CSMD1: variants seen among roughly 807,000 people sequenced by gnomAD.
CSMD1 encodes the protein CUB and sushi domain-containing protein 1.
A neutral mutation model predicts 417.5 loss-of-function variants in CSMD1; 213 were observed. The ratio of observed to expected loss-of-function variants is 0.51; its 90% confidence interval spans 0.46 to 0.57. CSMD1 has a LOEUF of 0.57. Among genes scored for constraint, CSMD1 ranks in the 20% least tolerant of loss-of-function variants. The pLI is 0.00. For missense variants in CSMD1, 6,923 were observed against 4,529.7 expected, an observed-to-expected ratio of 1.53 and a Z score of -15.17; for synonymous variants, 2,862 against 1,736.8, an observed-to-expected ratio of 1.65 and a Z score of -16.11.
At chr8:3,241,309 A>C (rs149571476) in intron 26 of CSMD1, among the ~76,000 whole-genome samples, 1 of 149,930 alleles carries the variant, frequency 6.7e-6, no homozygotes, top group Non-Finnish European at 1.5e-5. Context: ...AATACCCACA[A>C]CAGTTATGGA....
chr8:4,003,479 A>T (rs920612325), intron 4 of CSMD1, among the ~76,000 whole-genome samples: 1 of 152,164 alleles, frequency 6.6e-6, no homozygotes, highest in Non-Finnish European at 1.5e-5. Context: ...TACATGGGAA[A>T]AAAAGATTTT....
intron 1 of CSMD1, 80 bp from the exon 2 acceptor site, chr8:4,637,638 T>G (rs536950573): frequency 1.5e-4 from 81 of 553,534 alleles, no homozygotes; most frequent in African/African-American, 1.4e-3. Flanking sequence ...CTAAACACTT[T>G]AGCCAATTTT....
intron 5 of CSMD1, among the ~76,000 whole-genome samples, chr8:3,823,927 A>G (rs1801891364): frequency 6.6e-6 from 1 of 152,318 alleles, no homozygotes; most frequent in South Asian, 2.1e-4. Flanking sequence ...CTACCTTTAC[A>G]TCTCTGGTAA....
At chr8:3,920,002 A>G (rs952703338) in intron 5 of CSMD1, among the ~76,000 whole-genome samples, 1 of 150,478 alleles carries the variant, frequency 6.6e-6, no homozygotes, top group Non-Finnish European at 1.5e-5. Flanking sequence ...ATTTTTTTTT[A>G]CTTTAGGATT....
intron 5 of CSMD1, among the ~76,000 whole-genome samples, chr8:3,825,054 T>G (rs963671558): frequency 7.2e-5 from 11 of 152,216 alleles, no homozygotes; most frequent in Non-Finnish European, 1.6e-4. Context: ...GAGACTTCGC[T>G]GTGATGAGGG....
chr8:4,448,564 AT>A (rs1798950123), intron 2 of CSMD1, among the ~76,000 whole-genome samples: 2 of 152,274 alleles, frequency 1.3e-5, no homozygotes, highest in East Asian at 3.9e-4. Context: ...GAAATCTAAC[AT>A]TTTTCCTTCC....
intron 23 of CSMD1, among the ~76,000 whole-genome samples, chr8:3,316,121 G>A (rs981487155): frequency 1.3e-5 from 2 of 152,136 alleles, no homozygotes; most frequent in African/African-American, 4.8e-5. Context: ...CTACATGGAT[G>A]AACTGAAATA....
chr8:4,439,328 TATA>T (rs1322984399), intron 2 of CSMD1, among the ~76,000 whole-genome samples: 1 of 152,168 alleles, frequency 6.6e-6, no homozygotes, highest in Non-Finnish European at 1.5e-5. Context: ...ATACGTTAAA[TATA>T]ATTATTCAAA....
chr8:3,390,301 G>C (rs1393596018), intron 17 of CSMD1, among the ~76,000 whole-genome samples: 2 of 136,328 alleles, frequency 1.5e-5, no homozygotes, highest in Non-Finnish European at 3.1e-5. Context: ...GATGCAGTGA[G>C]CCAAGGTTGT....
At chr8:3,192,498 G>C (rs184560629) in intron 33 of CSMD1, among the ~76,000 whole-genome samples, 1 of 152,258 alleles carries the variant, frequency 6.6e-6, no homozygotes, top group East Asian at 1.9e-4. Context: ...CACAGTAATT[G>C]TCATGGTTTG....
At chr8:4,122,610 G>A (rs1166564516) in intron 3 of CSMD1, among the ~76,000 whole-genome samples, 1 of 152,168 alleles carries the variant, frequency 6.6e-6, no homozygotes, top group Non-Finnish European at 1.5e-5. Context: ...CTCTTCTGCA[G>A]AGATGGAGGT....
At chr8:3,920,547 T>C (rs574123674) in intron 5 of CSMD1, among the ~76,000 whole-genome samples, 6 of 152,272 alleles carry the variant, frequency 3.9e-5, no homozygotes, top group African/African-American at 1.2e-4. Flanking sequence ...AGGCAACTTG[T>C]CTTGTTCTTA....
At chr8:4,564,317 A>G (rs928431415) in intron 2 of CSMD1, among the ~76,000 whole-genome samples, 1 of 152,212 alleles carries the variant, frequency 6.6e-6, no homozygotes, top group Non-Finnish European at 1.5e-5. Context: ...ATAACATTTT[A>G]TATATTTTAT....
At chr8:3,883,648 C>G (rs1488627852) in intron 5 of CSMD1, among the ~76,000 whole-genome samples, 4 of 152,050 alleles carry the variant, frequency 2.6e-5, no homozygotes, top group African/African-American at 9.7e-5. Context: ...ATATCAATTA[C>G]TGATATTATT....
rs1816994234 is a variant in CSMD1 at position 3,118,477 on chromosome 8, T to G, written c.6352A>C (p.Ile2118Leu). ...SVSFECYPGY[I>L]LIGHPVLTCQ... The stretch of plus-strand genomic sequence containing the variant: ...GTGAGGACAGGATGGCCTATTAGAA[T>G]GTACCCAGGATAACACTCGAAAGAT... The change falls in exon 42 of 70, where the codon ATT (isoleucine) becomes CTT (leucine). Residue 2118 changes from isoleucine to leucine, a missense_variant. By Grantham distance (5) the Ile-to-Leu change is conservative. Coordinates refer to ENST00000635120, the MANE Select transcript of CSMD1 (RefSeq NM_033225.6). The G allele has an allele frequency of 1.9e-6, 3 of 1,613,842 alleles. No individual in the cohort carries two copies. The Admixed American group carries it at 5.0e-5, about 27-fold the overall frequency.
intron 14 of CSMD1, 26 bp from the exon 15 acceptor site, chr8:3,406,247 G>C (rs528096432): frequency 2.0e-6 from 3 of 1,535,804 alleles, no homozygotes; most frequent in Non-Finnish European, 2.6e-6. Context: ...GAAGAAAAAA[G>C]GAATAAAAAT....
chr8:3,879,629 G>T (rs1253862471), intron 5 of CSMD1, among the ~76,000 whole-genome samples: 4 of 152,084 alleles, frequency 2.6e-5, no homozygotes, highest in Admixed American at 2.6e-4. Flanking sequence ...TTTCAGAAAT[G>T]AAAAAGCACA....
intron 2 of CSMD1, among the ~76,000 whole-genome samples, chr8:4,588,051 G>A (rs2724989): frequency 1.2e-3 from 178 of 152,028 alleles, no homozygotes; most frequent in African/African-American, 3.8e-3. Flanking sequence ...AACAAAAGGA[G>A]CAAGGTAAAG....
intron 3 of CSMD1, among the ~76,000 whole-genome samples, chr8:4,324,810 T>A (rs533005273): frequency 6.6e-6 from 1 of 152,298 alleles, no homozygotes; most frequent in South Asian, 2.1e-4. Context: ...GCTTCCCATG[T>A]CTTGCTAGAG....
Sources: gnomAD v4.1 joint callset for allele counts (sites outside exome capture counted in the v4.1 genomes callset) on GRCh38, gnomAD v4.1.1 for gene constraint, MANE v1.5 for transcripts, NCBI Gene and HGNC (gene_info 2026-07-23, HGNC 2026-07-21) for gene names.